Variants in NFASC observed in about 807,000 individuals in gnomAD.
NFASC encodes the protein neurofascin homolog.
In NFASC, 43 loss-of-function variants were observed where a neutral mutation model predicts 147.5. That is an observed-to-expected ratio of 0.29 (90% CI 0.23 to 0.38). The LOEUF is 0.38. NFASC is among the 10% of genes least tolerant of loss of function. The pLI is 1.00. For synonymous variants in NFASC, 622 were observed against 665.5 expected (o/e 0.93, Z 1.01); for missense variants, 1,320 against 1,689.0 (o/e 0.78, Z 3.83).
chr1:204,849,618 G>A (rs1045666232), intron 1 of NFASC, among the ~76,000 whole-genome samples: 8 of 152,194 alleles, frequency 5.3e-5, no homozygotes, highest in Non-Finnish European at 1.2e-4. Flanking sequence ...CTGAGGGAAA[G>A]AACTCAGTAG....
chr1:204,895,414 C>T (rs1382677769), intron 1 of NFASC, among the ~76,000 whole-genome samples: 1 of 152,206 alleles, frequency 6.6e-6, no homozygotes, highest in East Asian at 1.9e-4. Flanking sequence ...TGCTGTAGTA[C>T]ATCAGGGATT....
At chr1:204,993,115 C>T (rs537376779) in intron 24 of NFASC, among the ~76,000 whole-genome samples, 2 of 152,172 alleles carry the variant, frequency 1.3e-5, no homozygotes, top group South Asian at 2.1e-4. Context: ...ATGTTTCTGA[C>T]GTGGGCCTGG....
At chr1:204,891,426 G>C (rs752649147) in intron 1 of NFASC, among the ~76,000 whole-genome samples, 1 of 152,146 alleles carries the variant, frequency 6.6e-6, no homozygotes, top group Non-Finnish European at 1.5e-5. Flanking sequence ...TTTCTGGGTT[G>C]CACATGCCTG....
chr1:204,908,884 A>G (rs2086662235), intron 1 of NFASC, among the ~76,000 whole-genome samples: 1 of 152,204 alleles, frequency 6.6e-6, no homozygotes, highest in Non-Finnish European at 1.5e-5. Flanking sequence ...GATTCATCTA[A>G]GTTACTGCAT....
chr1:204,844,375 T>A (rs1392117546), intron 1 of NFASC, among the ~76,000 whole-genome samples: 1 of 152,190 alleles, frequency 6.6e-6, no homozygotes, highest in Non-Finnish European at 1.5e-5. Context: ...GAGGGTAGCT[T>A]CATGCTCTGC....
chr1:204,964,922 C>T (rs958307696), intron 8 of NFASC, among the ~76,000 whole-genome samples: 14 of 152,298 alleles, frequency 9.2e-5, no homozygotes, highest in African/African-American at 3.4e-4. Flanking sequence ...AGGCATTTAT[C>T]GTTGGACCTT....
At chr1:204,847,178 A>G (rs552173765) in intron 1 of NFASC, among the ~76,000 whole-genome samples, 2 of 152,230 alleles carry the variant, frequency 1.3e-5, no homozygotes, top group East Asian at 3.9e-4. Context: ...TGACTACCCC[A>G]TCCTGGCTAT....
In NFASC at chr1:204,975,524, A is replaced by G; in HGVS notation, c.1706+106A>G. On this transcript the variant is annotated intron_variant, in intron 15 of 29. Coordinates refer to ENST00000339876, the MANE Select transcript of NFASC (RefSeq NM_001005388.3). The surrounding 1 kb of genome is among the most constrained non-coding windows in gnomAD (Gnocchi z 4.0). The stretch of plus-strand genomic sequence containing the variant: ...AACACAGGGACAGGGAACCCGTGTC[A>G]TGCATGTCACCAAGGAGCTTCTGCA... The G allele has an allele frequency of 4.2e-6, 6 of 1,427,566 alleles. No individual in the cohort carries two copies. The highest frequency in any genetic ancestry group is 5.8e-6 in the Non-Finnish European group (6 of 1,035,826). 88.4% of individuals were successfully genotyped at this position (1,427,566 alleles called of 1,614,324 possible).
intron 1 of NFASC, among the ~76,000 whole-genome samples, chr1:204,893,600 GTTC>G (rs1460198245): frequency 2.0e-5 from 3 of 152,212 alleles, no homozygotes; most frequent in Non-Finnish European, 4.4e-5. Context: ...TGAGCCGTGT[GTTC>G]TTCATCTTTT....
intron 1 of NFASC, among the ~76,000 whole-genome samples, chr1:204,851,365 CTT>C (rs2075678111): frequency 1.4e-5 from 2 of 147,374 alleles, no homozygotes; most frequent in African/African-American, 5.1e-5. Flanking sequence ...CGGAGTCTCA[CTT>C]TGTCACCCAG....
intron 24 of NFASC, among the ~76,000 whole-genome samples, chr1:204,994,239 A>G (rs1406826277): frequency 6.6e-6 from 1 of 152,200 alleles, no homozygotes; most frequent in Non-Finnish European, 1.5e-5. Flanking sequence ...GCAGCTAGGT[A>G]GCCATCATCA....
At chr1:205,005,681 G>T (rs1191867043) in intron 27 of NFASC, among the ~76,000 whole-genome samples, 1 of 152,198 alleles carries the variant, frequency 6.6e-6, no homozygotes, top group Non-Finnish European at 1.5e-5. Flanking sequence ...CCCATTATAA[G>T]TGTGATCATT....
intron 2 of NFASC, among the ~76,000 whole-genome samples, chr1:204,939,200 C>T (rs948563647): frequency 5.3e-5 from 8 of 151,972 alleles, no homozygotes; most frequent in African/African-American, 1.9e-4. Flanking sequence ...TATTTTTGTT[C>T]TTTTCTGCAC....
At chr1:204,913,155 G>T (rs2088117921) in intron 1 of NFASC, among the ~76,000 whole-genome samples, 2 of 149,282 alleles carry the variant, frequency 1.3e-5, no homozygotes, top group South Asian at 4.2e-4. Context: ...ACATAAAAAT[G>T]TTCATAATCT....
chr1:204,921,711 A>G (rs1202128385), intron 2 of NFASC, among the ~76,000 whole-genome samples: 1 of 152,240 alleles, frequency 6.6e-6, no homozygotes, highest in African/African-American at 2.4e-5. Context: ...AACAGGGATA[A>G]TAACCAACAT....
rs777509759 is a variant in NFASC at position 204,997,320 on chromosome 1, C to T, written c.2933C>T (p.Ala978Val). 5.3e-5 allele frequency: 84 copies of T among 1,582,504 alleles called. No individual in the cohort carries two copies. The highest frequency in any genetic ancestry group is 5.0e-4 in the Middle Eastern group (3 of 6,020). ...ACCATCGCCACCACCACCACCGTCG[C>T]CACAACTACTACAACCACTGCTGCC... ...PTTIATTTTV[A>V]TTTTTTAAAT... Residue 978 changes from alanine (A) to valine (V), a missense_variant, in exon 25 of 30, where the codon GCC becomes GTC. Transcript: ENST00000339876.
At position 205,016,591 on chromosome 1, in the gene NFASC, G is replaced by A; in HGVS notation, c.*52G>A. The A allele has an allele frequency of 7.2e-7, 1 of 1,380,602 alleles. No homozygotes were observed. Among genetic ancestry groups the A allele is most frequent in the Non-Finnish European group, 1.0e-6 (1 of 970,094 alleles). 85.5% of individuals were successfully genotyped at this position (1,380,602 alleles called of 1,614,324 possible). A position where few individuals can be genotyped will look rare whatever the true frequency, so the allele number is the denominator to read the frequency against. On this transcript the variant is annotated 3_prime_UTR_variant, in exon 30 of 30. Coordinates refer to ENST00000339876, the MANE Select transcript of NFASC (RefSeq NM_001005388.3). The surrounding 1 kb of genome is among the most constrained non-coding windows in gnomAD (Gnocchi z 5.1). ...CTTTGCAAGTGGGAGGAGGGGAGAA[G>A]GGGAGACAAAACCACTGCAGACCTA...
chr1:204,848,399 A>AT (rs1325709490), intron 1 of NFASC, among the ~76,000 whole-genome samples: 2 of 151,942 alleles, frequency 1.3e-5, no homozygotes, highest in South Asian at 2.1e-4. Context: ...TTAGCTAATT[A>AT]TTTTTTTTAA....
intron 1 of NFASC, among the ~76,000 whole-genome samples, chr1:204,865,789 T>C (rs1195787339): frequency 6.6e-6 from 1 of 152,230 alleles, no homozygotes; most frequent in Non-Finnish European, 1.5e-5. Flanking sequence ...AATTTGAGTA[T>C]AATCATTCTT....
Sources: gnomAD v4.1 joint callset for allele counts (sites outside exome capture counted in the v4.1 genomes callset) on GRCh38, gnomAD v4.1.1 for gene constraint, Gnocchi (gnomAD v3.1) non-coding constraint, MANE v1.5 for transcripts, NCBI Gene and HGNC (gene_info 2026-07-23, HGNC 2026-07-21) for gene names.